Variants in VCPKMT observed in about 807,000 individuals in gnomAD.
VCPKMT encodes protein N-lysine methyltransferase METTL21D.
VCPKMT carries 32 observed loss-of-function variants against 28.6 expected under a neutral mutation model. That is an observed-to-expected ratio of 1.12 (90% CI 0.84 to 1.50). The LOEUF (loss-of-function observed/expected upper bound fraction) is 1.50. Among genes scored for constraint, VCPKMT ranks in the 40% most tolerant of loss-of-function variants. The probability of loss-of-function intolerance (pLI) is 0.00; values close to 1 mark genes in which losing one functional copy is unlikely to be tolerated. For synonymous variants in VCPKMT, 138 were observed against 111.4 expected (o/e 1.24, Z -1.50); for missense variants, 366 against 285.0 (o/e 1.28, Z -2.05).
chr14:50,102,866 G>C, the VCPKMT span, among the ~76,000 whole-genome samples: 1 of 152,192 alleles, frequency 6.6e-6, no homozygotes, highest in Non-Finnish European at 1.5e-5. Context: ...ACCACCTATT[G>C]AGTATTCATG....
intron 1 of VCPKMT, 32 bp from the exon 2 acceptor site, chr14:50,116,211 CA>C (rs1465146221): frequency 1.7e-5 from 27 of 1,613,310 alleles, no homozygotes; most frequent in Non-Finnish European, 2.3e-5. Context: ...GGTGTAGGCA[CA>C]GGGGGGAAAG....
At chr14:50,103,803 C>T (rs1386407154), downstream of VCPKMT, among the ~76,000 whole-genome samples, 1 of 152,188 alleles carries the variant, frequency 6.6e-6, no homozygotes, top group Admixed American at 6.5e-5. Flanking sequence ...GCAATGTTTA[C>T]ATGCATCCTA....
rs533599639 is a variant in VCPKMT at position 50,113,809 on chromosome 14, G to T, written c.570+476C>A. 7.5e-5 allele frequency among the ~76,000 whole-genome samples: 3 copies of T among 39,782 alleles called. 1 individual carries two copies. Among genetic ancestry groups the T allele is most frequent in the East Asian group, 2.4e-3 (2 of 824 alleles). 26.1% of individuals were successfully genotyped at this position (39,782 alleles called of 152,430 possible). ...TACTTGGGGGCGGGGGGGGGGGGGG[G>T]TGACACTGAGGCAGGAGGATCACTT... On this transcript the variant is annotated intron_variant, in intron 4 of 5. Coordinates refer to ENST00000395860, the MANE Select transcript of VCPKMT (RefSeq NM_024558.3).
At chr14:50,111,831 G>A (rs1594937302) in intron 5 of VCPKMT, 1 of 871,788 alleles carries the variant, frequency 1.1e-6, no homozygotes, top group Non-Finnish European at 1.4e-6. Flanking sequence ...AGAGGCTGCA[G>A]CAAGCCGAGA....
intron 5 of VCPKMT, chr14:50,111,267 CTTCAG>C (rs1427451486): frequency 2.0e-6 from 2 of 985,114 alleles, no homozygotes; most frequent in Non-Finnish European, 1.2e-6. Flanking sequence ...TGCACAACAG[CTTCAG>C]TTAACACTAG....
At chr14:50,113,572 G>C (rs1022966687) in intron 4 of VCPKMT, 5 of 146,274 alleles carry the variant, frequency 3.4e-5, no homozygotes, top group African/African-American at 1.0e-4. Flanking sequence ...GCAACTTCCT[G>C]TAAGTCTTTT....
downstream of VCPKMT, among the ~76,000 whole-genome samples, chr14:50,103,972 G>C (rs900677563): frequency 6.6e-6 from 1 of 152,218 alleles, no homozygotes; most frequent in African/African-American, 2.4e-5. Context: ...ACATGTATTT[G>C]ACTAATTTAA....
chr14:50,115,022 T>C (rs1236084398), intron 3 of VCPKMT, among the ~76,000 whole-genome samples: 2 of 152,202 alleles, frequency 1.3e-5, no homozygotes, highest in Non-Finnish European at 2.9e-5. Context: ...TTTAATTTTA[T>C]TTAATCTAAT....
At position 50,116,334 on chromosome 14, in the gene VCPKMT, C is replaced by G. The variant is rs767668568; in HGVS notation, c.219G>C (p.Glu73Asp). Residue 73 changes from glutamate to aspartate, a missense_variant, in exon 1 of 6, where the codon GAG becomes GAC. Glu to Asp is a conservative substitution (Grantham distance 45). Coordinates refer to ENST00000395860, the MANE Select transcript of VCPKMT (RefSeq NM_024558.3). The part of the protein sequence containing the change: ...AHALSRRSVL[E>D]LGSGTGAVGL... ...CCACGGCCCCGGTGCCCGAACCCAG[C>G]TCCAGCACCGACCGCCGGCTCAGCG... 9 of 1,610,952 alleles carry G rather than the reference C, an allele frequency of 5.6e-6. No homozygotes were observed. The East Asian group carries it at 2.0e-4, about 36-fold the overall frequency.
chr14:50,107,079 A>G (rs1594930853), downstream of VCPKMT, among the ~76,000 whole-genome samples: 1 of 152,196 alleles, frequency 6.6e-6, no homozygotes, highest in African/African-American at 2.4e-5. Flanking sequence ...CGAAAGCCCA[A>G]AAGACTAAAT....
chr14:50,110,706 G>A (rs1449398557), intron 5 of VCPKMT, among the ~76,000 whole-genome samples: 4 of 152,174 alleles, frequency 2.6e-5, no homozygotes, highest in Admixed American at 6.5e-5. Context: ...TACTCAAGAG[G>A]TCTGAAAACA....
Position 50,109,480 on chromosome 14 carries a change from C to A in VCPKMT, c.*219G>T. On this transcript the variant is annotated 3_prime_UTR_variant, in exon 6 of 6. Coordinates refer to ENST00000395860, the MANE Select transcript of VCPKMT (RefSeq NM_024558.3). ...AAGAACTTGATGCTGAACTAAGTAA[C>A]CTAAGCTGGATTCAGGGCCATTGGC... is the stretch of plus-strand genomic sequence containing the variant. The A allele has an allele frequency of 7.8e-7, 1 of 1,277,348 alleles. No individual in the cohort carries two copies. The allele number at this position is 1,277,348 out of a possible 1,614,324, so 79.1% of individuals were successfully genotyped here.
At chr14:50,110,667 T>C (rs777946017) in intron 5 of VCPKMT, among the ~76,000 whole-genome samples, 11 of 152,212 alleles carry the variant, frequency 7.2e-5, no homozygotes, top group Non-Finnish European at 1.5e-4. Context: ...AGAGTTCCCA[T>C]ATAACCTTGC....
chr14:50,115,719 A>T (rs538812570), intron 3 of VCPKMT, 120 bp downstream of exon 3: 3 of 1,173,014 alleles, frequency 2.6e-6, no homozygotes, highest in Non-Finnish European at 3.7e-6. Flanking sequence ...TCTTTACTGC[A>T]TCAACTATAA....
chr14:50,111,735 A>C, intron 5 of VCPKMT: 3 of 681,970 alleles, frequency 4.4e-6, no homozygotes, highest in South Asian at 6.6e-5. Flanking sequence ...AAAATACAAA[A>C]ATTAGCTGGG....
At chr14:50,114,077 T>C (rs1056256750) in intron 4 of VCPKMT, among the ~76,000 whole-genome samples, 9 of 152,182 alleles carry the variant, frequency 5.9e-5, no homozygotes, top group South Asian at 2.1e-4. Flanking sequence ...TCTGTAGCCA[T>C]AGATCAACTA....
chr14:50,106,003 A>AG (rs1882307125), downstream of VCPKMT, among the ~76,000 whole-genome samples: 1 of 152,202 alleles, frequency 6.6e-6, no homozygotes, highest in Non-Finnish European at 1.5e-5. Context: ...CGTATGTACT[A>AG]GGGGCCCACT....
chr14:50,114,234 G>GC lies in VCPKMT; in HGVS notation c.570+50dup. On this transcript the variant is annotated intron_variant, in intron 4 of 5. Transcript: ENST00000395860. ...TAATATACTTGAAGAGTCACATACA[G>GC]CCCCCCTGAAGGGAAATCACTACAA... The GC allele has an allele frequency of 2.1e-6, 3 of 1,425,508 alleles. No individual in the cohort carries two copies. In the South Asian group the frequency reaches 5.3e-5, roughly 25 times the overall value. 88.3% of individuals were successfully genotyped at this position (1,425,508 alleles called of 1,614,324 possible). A position where few individuals can be genotyped will look rare whatever the true frequency, so the allele number is the denominator to read the frequency against.
In VCPKMT at chr14:50,116,525, C is replaced by G. The variant is rs761866907; in HGVS notation, c.28G>C (p.Glu10Gln). ...CGCACAAAGCTCCGCAGTGGGTCCTCCAGCGAGGACTCCAGCGTATCCGCC... is the reference window on the plus strand; with the variant it reads ...CGCACAAAGCTCCGCAGTGGGTCCTGCAGCGAGGACTCCAGCGTATCCGCC... Reference protein sequence around the residue: MADTLESSLEDPLRSFVRVL... With the variant: MADTLESSLQDPLRSFVRVL... Residue 10 changes from glutamate to glutamine, a missense_variant, in exon 1 of 6, where the codon GAG (glutamate) becomes CAG (glutamine). Glu to Gln is a conservative substitution (Grantham distance 29). Transcript: ENST00000395860. The G allele has an allele frequency of 6.2e-7, 1 of 1,612,882 alleles. No individual in the cohort carries two copies. Among genetic ancestry groups the G allele is most frequent in the Non-Finnish European group, 8.5e-7 (1 of 1,179,478 alleles).
Sources: gnomAD v4.1 joint callset for allele counts (sites outside exome capture counted in the v4.1 genomes callset) on GRCh38, gnomAD v4.1.1 for gene constraint, MANE v1.5 for transcripts, NCBI Gene and HGNC (gene_info 2026-07-23, HGNC 2026-07-21) for gene names.